The following ABL1 variants were observed in gnomAD, a reference collection of about 807,000 sequenced individuals.
ABL1 encodes the protein ABL proto-oncogene 1, non-receptor tyrosine kinase.
ABL1 carries 11 observed loss-of-function variants against 94.7 expected under a neutral mutation model. The ratio of observed to expected loss-of-function variants is 0.12; its 90% CI spans 0.07 to 0.19. The LOEUF is 0.19. Ranked by LOEUF, ABL1 falls within the 10% of genes least tolerant of loss-of-function variation. The probability of loss-of-function intolerance (pLI) is 1.00; values close to 1 mark genes in which losing one functional copy is unlikely to be tolerated. For synonymous variants in ABL1, 656 were observed against 622.4 expected, an observed-to-expected ratio of 1.05 and a Z score of -0.80; for missense variants, 1,082 against 1,489.4, an observed-to-expected ratio of 0.73 and a Z score of 4.50.
At chr9:130,802,522 AT>A (rs1830069456) in intron 1 of ABL1, among the ~76,000 whole-genome samples, 2 of 152,038 alleles carry the variant, frequency 1.3e-5, no homozygotes, top group African/African-American at 4.8e-5. Context: ...CAAAAAGTTA[AT>A]TTTTTTCAGT....
intron 1 of ABL1, among the ~76,000 whole-genome samples, chr9:130,727,501 G>A (rs928378639): frequency 6.6e-6 from 1 of 151,956 alleles, no homozygotes; most frequent in Non-Finnish European, 1.5e-5. Flanking sequence ...GGTGGCACAC[G>A]CCTGTAATCC....
In ABL1 at chr9:130,885,861, CG is replaced by C; in HGVS notation, c.*179del. The C allele has an allele frequency of 2.6e-6, 2 of 784,194 alleles. No individual in the cohort carries two copies. Among genetic ancestry groups the C allele is most frequent in the Non-Finnish European group, 3.9e-6 (2 of 510,624 alleles). The allele number at this position is 784,194 out of a possible 1,614,324, so 48.6% of individuals were successfully genotyped here. A position where few individuals can be genotyped will look rare whatever the true frequency, so the allele number is the denominator to read the frequency against. ...CCAGCTCTACTACCTACGTTTGCAC[CG>C]CCTGCCCTCCCGCACCTTCCTCCTC... On this transcript the variant is annotated 3_prime_UTR_variant, in exon 11 of 11. Coordinates refer to ENST00000318560, the MANE Select transcript of ABL1 (RefSeq NM_005157.6).
intron 1 of ABL1, among the ~76,000 whole-genome samples, chr9:130,725,843 T>TTTG (rs1831577705): frequency 3.8e-5 from 5 of 130,488 alleles, no homozygotes; most frequent in African/African-American, 1.4e-4. Context: ...TTTTTTTTTT[T>TTTG]TTTTTTTTGA....
At chr9:130,753,027 C>T (rs866139508) in intron 1 of ABL1, among the ~76,000 whole-genome samples, 10 of 151,628 alleles carry the variant, frequency 6.6e-5, no homozygotes, top group African/African-American at 1.9e-4. Flanking sequence ...GAGGCTGAGG[C>T]GGGTGGATCA....
At chr9:130,867,728 C>A (rs889036906) in intron 4 of ABL1, among the ~76,000 whole-genome samples, 2 of 152,338 alleles carry the variant, frequency 1.3e-5, no homozygotes, top group South Asian at 2.1e-4. Flanking sequence ...GCTCTCTGGC[C>A]GCACAAGGAG....
chr9:130,782,087 C>A (rs1402720477), intron 1 of ABL1, among the ~76,000 whole-genome samples: 1 of 150,520 alleles, frequency 6.6e-6, no homozygotes, highest in Non-Finnish European at 1.5e-5. Flanking sequence ...TTGAGACAGT[C>A]TTACTCTGTT....
intron 1 of ABL1, among the ~76,000 whole-genome samples, chr9:130,782,128 G>A (rs969943349): frequency 6.6e-6 from 1 of 150,774 alleles, no homozygotes. Context: ...GTGTGATCTC[G>A]GCTTACTGCA....
intron 1 of ABL1, among the ~76,000 whole-genome samples, chr9:130,849,111 A>G (rs1830818922): frequency 6.6e-6 from 1 of 152,228 alleles, no homozygotes; most frequent in Non-Finnish European, 1.5e-5. Context: ...TTGCGAGTAT[A>G]TTCTCAAACT....
chr9:130,842,356 C>T (rs1226440648), intron 1 of ABL1, among the ~76,000 whole-genome samples: 1 of 152,234 alleles, frequency 6.6e-6, no homozygotes, highest in African/African-American at 2.4e-5. Flanking sequence ...AGCTATTATT[C>T]TATCACATTA....
At chr9:130,809,729 A>G (rs976538548) in intron 1 of ABL1, among the ~76,000 whole-genome samples, 3 of 152,324 alleles carry the variant, frequency 2.0e-5, no homozygotes, top group Admixed American at 2.0e-4. Flanking sequence ...CCTTTAACAG[A>G]TTGAATGGGG....
chr9:130,768,534 C>T (rs1832211991), intron 1 of ABL1, among the ~76,000 whole-genome samples: 1 of 152,182 alleles, frequency 6.6e-6, no homozygotes, highest in South Asian at 2.1e-4. Flanking sequence ...AGAGCCCTTG[C>T]ATCAGCCTGG....
intron 3 of ABL1, among the ~76,000 whole-genome samples, chr9:130,855,970 C>T (rs1830967471): frequency 6.6e-6 from 1 of 152,096 alleles, no homozygotes; most frequent in Non-Finnish European, 1.5e-5. Flanking sequence ...GGCTGGAGTA[C>T]AGTGGTGCGA....
At position 130,851,387 on chromosome 9, in the gene ABL1, C is replaced by T. The variant is rs375581780; in HGVS notation, c.80-2677C>T. Reference sequence around the variant, plus strand: ...GTAATAATGTAATTTAGGACTTACCCTTTCAGAGAAACAGTTCCTGAAGGT... The same window carrying T: ...GTAATAATGTAATTTAGGACTTACCTTTTCAGAGAAACAGTTCCTGAAGGT... On this transcript the variant is annotated intron_variant, in intron 1 of 10. Transcript: ENST00000318560. Among the ~76,000 whole-genome samples the T allele has an allele frequency of 1.6e-4, 25 of 152,246 alleles. 1 individual carries two copies. Among genetic ancestry groups the T allele is most frequent in the African/African-American group, 5.5e-4 (23 of 41,548 alleles).
intron 1 of ABL1, among the ~76,000 whole-genome samples, chr9:130,785,128 C>T (rs982354959): frequency 6.6e-5 from 10 of 152,140 alleles, no homozygotes; most frequent in African/African-American, 1.7e-4. Context: ...TGCCTGCTGG[C>T]GAGGTGTTAG....
chr9:130,878,598 A>G (rs775117973), intron 8 of ABL1, 31 bp downstream of exon 8: 8 of 1,606,410 alleles, frequency 5.0e-6, no homozygotes, highest in South Asian at 2.2e-5. Context: ...TCTCACGAGT[A>G]TATGTGGGCA....
At chr9:130,799,885 T>C (rs1038940624) in intron 1 of ABL1, among the ~76,000 whole-genome samples, 3 of 150,402 alleles carry the variant, frequency 2.0e-5, no homozygotes, top group Non-Finnish European at 3.0e-5. Context: ...TTTTTTTTTT[T>C]CTTTAGAGAT....
intron 4 of ABL1, among the ~76,000 whole-genome samples, chr9:130,866,209 A>G (rs1275526589): frequency 6.6e-6 from 1 of 152,220 alleles, no homozygotes; most frequent in Non-Finnish European, 1.5e-5. Context: ...GGCATCACAC[A>G]GCCAGGAGTG....
intron 1 of ABL1, among the ~76,000 whole-genome samples, chr9:130,784,385 C>T (rs1829800269): frequency 6.6e-6 from 1 of 152,142 alleles, no homozygotes; most frequent in Non-Finnish European, 1.5e-5. Context: ...TTAAAAAAAT[C>T]ACCAATCTGT....
intron 1 of ABL1, among the ~76,000 whole-genome samples, chr9:130,757,536 C>CTTT (rs11411714): frequency 1.5e-3 from 150 of 101,874 alleles, no homozygotes; most frequent in East Asian, 4.3e-3. Context: ...TACTCCAGGC[C>CTTT]TTTTTTTTTT....
Sources: gnomAD v4.1 joint callset for allele counts (sites outside exome capture counted in the v4.1 genomes callset) on GRCh38, gnomAD v4.1.1 for gene constraint, MANE v1.5 for transcripts, NCBI Gene and HGNC (gene_info 2026-07-23, HGNC 2026-07-21) for gene names.